The following IQSEC1 variants were observed in gnomAD, a reference collection of about 807,000 sequenced individuals.
IQSEC1 encodes IQ motif and SEC7 domain-containing protein 1.
IQSEC1 carries 31 observed loss-of-function variants against 91.0 expected under a neutral mutation model. The observed-to-expected ratio is 0.34, with a 90% confidence interval of 0.26 to 0.46. The LOEUF (loss-of-function observed/expected upper bound fraction) is 0.46. Among genes scored for constraint, IQSEC1 ranks in the 20% least tolerant of loss-of-function variants. IQSEC1 has a pLI of 1.00. For missense variants in IQSEC1, 1,388 were observed against 1,575.6 expected (o/e 0.88, Z 2.02); for synonymous variants, 699 against 662.6 (o/e 1.05, Z -0.84).
chr3:12,956,198 C>T lies in IQSEC1; in HGVS notation c.24-14333G>A, dbSNP rs547747722. 8.1e-4 allele frequency among the ~76,000 whole-genome samples: 123 copies of T among 152,318 alleles called. 1 individual carries two copies. Among genetic ancestry groups the T allele is most frequent in the Middle Eastern group, 3.4e-3 (1 of 294 alleles). ...CCCACCACTCCTTATCGCCCACCCA[C>T]ACCTGGGCCACCCCTTCTCTTCCTG... is the stretch of plus-strand genomic sequence containing the variant. On this transcript the variant is annotated intron_variant, in intron 1 of 13. Coordinates refer to ENST00000613206, the MANE Select transcript of IQSEC1 (RefSeq NM_001134382.3).
chr3:13,256,250 A>G (rs1695284221), intron 1 of IQSEC1, among the ~76,000 whole-genome samples: 1 of 152,206 alleles, frequency 6.6e-6, no homozygotes, highest in South Asian at 2.1e-4. Flanking sequence ...ACTGTCCACG[A>G]CATGTTCCCA....
chr3:13,254,358 G>C (rs931469518), intron 1 of IQSEC1, among the ~76,000 whole-genome samples: 2 of 152,190 alleles, frequency 1.3e-5, no homozygotes, highest in African/African-American at 4.8e-5. Context: ...GTGCCACAAG[G>C]GCGCCATGAA....
In IQSEC1 at chr3:13,276,080, C is replaced by CTTTTTTTTTTTTTTTTT. The variant is rs796663192; in HGVS notation, c.272+6614_272+6630dup. Among the ~76,000 whole-genome samples, 7 of 79,524 alleles carry CTTTTTTTTTTTTTTTTT rather than the reference C, an allele frequency of 8.8e-5. 2 individuals carry two copies. The highest frequency in any genetic ancestry group is 2.9e-4 in the African/African-American group (7 of 24,150). The allele number at this position is 79,524 out of a possible 152,430, so 52.2% of individuals were successfully genotyped here. On this transcript the variant is annotated intron_variant, in intron 1 of 15. Transcript: ENST00000648114. ...AGGGAAAACAATCCTCAAAAGCATT[C>CTTTTTTTTTTTTTTTTT]TTTTTTTTTTTTTTTTTTTTTTTTT...
At chr3:13,011,200 C>T (rs1274062535) in intron 1 of IQSEC1, among the ~76,000 whole-genome samples, 2 of 152,168 alleles carry the variant, frequency 1.3e-5, no homozygotes, top group African/African-American at 4.8e-5. Flanking sequence ...TTTCCTGAGC[C>T]CCAGGCGTAC....
At chr3:12,918,005 T>C (rs1466192546) in intron 6 of IQSEC1, among the ~76,000 whole-genome samples, 1 of 151,968 alleles carries the variant, frequency 6.6e-6, no homozygotes, top group African/African-American at 2.4e-5. Flanking sequence ...GGGGTGAGGA[T>C]TTCCCTACAA....
chr3:13,198,079 T>C lies in IQSEC1; in HGVS notation c.273-33946A>G, dbSNP rs187506759. 3.3e-5 allele frequency among the ~76,000 whole-genome samples: 5 copies of C among 152,278 alleles called. No individual in the cohort carries two copies. In the East Asian group the frequency reaches 7.7e-4, roughly 24 times the overall value. The stretch of plus-strand genomic sequence containing the variant: ...TCTGAAAGGACAGAGATGATGACCC[T>C]TGCCTGGAGGAGAATTGTGTGAAGA... On this transcript the variant is annotated intron_variant, in intron 1 of 15. Transcript: ENST00000648114.
chr3:13,224,817 G>T (rs1694723427), intron 1 of IQSEC1, among the ~76,000 whole-genome samples: 1 of 152,252 alleles, frequency 6.6e-6, no homozygotes, highest in Non-Finnish European at 1.5e-5. Context: ...CATCAGGCAG[G>T]TATGGGAGCT....
chr3:12,938,523 C>G (rs1315550580), intron 2 of IQSEC1, among the ~76,000 whole-genome samples: 1 of 152,204 alleles, frequency 6.6e-6, no homozygotes, highest in Non-Finnish European at 1.5e-5. Context: ...AGGCCACAGT[C>G]TGTTTTCTCT....
chr3:13,014,672 A>C (rs1212281548), intron 1 of IQSEC1, among the ~76,000 whole-genome samples: 2 of 152,076 alleles, frequency 1.3e-5, no homozygotes, highest in Non-Finnish European at 2.9e-5. Flanking sequence ...TGGGTCGGTA[A>C]AAGCTTCCTC....
chr3:12,904,025 C>G (rs982354050), intron 12 of IQSEC1, among the ~76,000 whole-genome samples: 1 of 152,214 alleles, frequency 6.6e-6, no homozygotes, highest in Admixed American at 6.5e-5. Flanking sequence ...GCCCAGGAGC[C>G]TGGAAGAAGG....
intron 1 of IQSEC1, among the ~76,000 whole-genome samples, chr3:13,192,849 G>C (rs1694060208): frequency 6.6e-6 from 1 of 152,232 alleles, no homozygotes; most frequent in Non-Finnish European, 1.5e-5. Context: ...TGTCAGCTCT[G>C]GAGTTCTGCT....
rs774589168 is a variant in IQSEC1, at chr3:13,154,438, CATATATATATATATATATATATATATAT to C, written c.302+9638_302+9665del. 4.3e-4 allele frequency among the ~76,000 whole-genome samples: 9 copies of C among 20,746 alleles called. 1 individual carries two copies. Among genetic ancestry groups the C allele is most frequent in the African/African-American group, 1.4e-3 (6 of 4,362 alleles). The allele number at this position is 20,746 out of a possible 152,430, so 13.6% of individuals were successfully genotyped here. A position where few individuals can be genotyped will look rare whatever the true frequency, so the allele number is the denominator to read the frequency against. On this transcript the variant is annotated intron_variant, in intron 2 of 15. Coordinates refer to the IQSEC1 transcript ENST00000648114. ...ACACCAGGAAGCTGGAACTTACATG[CATATATATATATATATATATATATATAT>C]ATATATATATGCAAAAACTGATACA...
intron 1 of IQSEC1, among the ~76,000 whole-genome samples, chr3:13,072,636 G>T (rs962847543): frequency 2.0e-5 from 3 of 152,226 alleles, no homozygotes; most frequent in Non-Finnish European, 4.4e-5. Flanking sequence ...TGGGCGTGCT[G>T]GGCAGAGATT....
Position 12,936,372 on chromosome 3 carries a change from G to C in IQSEC1, c.644C>G (p.Ser215Cys), listed in dbSNP as rs1480543701. 1 of 1,598,608 alleles carries C rather than the reference G, an allele frequency of 6.3e-7. No homozygotes were observed. The highest frequency in any genetic ancestry group is 1.1e-5 in the South Asian group (1 of 89,504). Residue 215 changes from serine (S) to cysteine (C), a missense_variant, in exon 3 of 14, where the codon TCC (serine) becomes TGC (cysteine). By Grantham distance (112) the Ser-to-Cys change is moderately radical. Around this residue, in one of 2 missense-constraint regions of IQSEC1, gnomAD observed 1,059 missense variants for 1,317.8 expected, o/e 0.80. Transcript: ENST00000613206. ...GGTGATGGCGTCCGCAAAGTCACTG[G>C]AGGGGGCCGGAGACTTGAGGGTGGT... is the stretch of plus-strand genomic sequence containing the variant. ...EPTTLKSPAP[S>C]SDFADAITEL...
intron 2 of IQSEC1, among the ~76,000 whole-genome samples, chr3:12,938,468 TG>T (rs955469661): frequency 4.3e-4 from 65 of 152,020 alleles, no homozygotes; most frequent in African/African-American, 1.4e-3. Flanking sequence ...GGAGAAGAGC[TG>T]GGGGGGCTTG....
At chr3:13,272,803 C>T (rs1695611545) in intron 1 of IQSEC1, among the ~76,000 whole-genome samples, 1 of 152,076 alleles carries the variant, frequency 6.6e-6, no homozygotes, top group African/African-American at 2.4e-5. Flanking sequence ...AATTAAGACT[C>T]CACAACTTTA....
At chr3:12,993,955 C>T (rs1040033004) in intron 1 of IQSEC1, among the ~76,000 whole-genome samples, 38 of 151,782 alleles carry the variant, frequency 2.5e-4, no homozygotes, top group African/African-American at 6.5e-4. Context: ...ACCGCGGCCC[C>T]GGGGGCGGAG....
chr3:13,232,127 TG>T (rs1339261928), intron 1 of IQSEC1, among the ~76,000 whole-genome samples: 2 of 152,234 alleles, frequency 1.3e-5, no homozygotes, highest in African/African-American at 4.8e-5. Flanking sequence ...AAATACGTGC[TG>T]GGTGTGCTTT....
chr3:13,268,594 C>T (rs1217625741), intron 1 of IQSEC1, among the ~76,000 whole-genome samples: 6 of 152,074 alleles, frequency 3.9e-5, no homozygotes, highest in South Asian at 2.1e-4. Context: ...ACTGATGTCA[C>T]GAATATCCGT....
Sources: allele counts gnomAD v4.1 joint callset (sites outside exome capture counted in the v4.1 genomes callset), GRCh38; gene constraint gnomAD v4.1.1; regional missense constraint gnomAD v4.1.1; transcripts MANE v1.5; gene names NCBI Gene and HGNC (gene_info 2026-07-23, HGNC 2026-07-21).